TMEM132B: variants seen among roughly 807,000 people sequenced by gnomAD.
The protein encoded by TMEM132B is transmembrane protein 132B.
In TMEM132B, 18 loss-of-function variants were observed where a neutral mutation model predicts 90.8. That is an observed-to-expected ratio of 0.20 (90% CI 0.14 to 0.29). The LOEUF is 0.29. Among genes scored for constraint, TMEM132B ranks in the 10% least tolerant of loss-of-function variants. The pLI is 1.00. For synonymous variants in TMEM132B, 504 were observed against 523.3 expected, an observed-to-expected ratio of 0.96 and a Z score of 0.50; for missense variants, 1,096 against 1,326.8, an observed-to-expected ratio of 0.83 and a Z score of 2.70.
intron 3 of TMEM132B, among the ~76,000 whole-genome samples, chr12:125,479,749 C>G (rs1368630422): frequency 3.9e-5 from 6 of 152,188 alleles, no homozygotes; most frequent in African/African-American, 1.4e-4. Flanking sequence ...AGCTCTGCAC[C>G]AAGCAGACCT....
intron 1 of TMEM132B, among the ~76,000 whole-genome samples, chr12:125,305,832 C>T (rs745530539): frequency 3.3e-5 from 5 of 152,174 alleles, no homozygotes; most frequent in Non-Finnish European, 7.3e-5. Flanking sequence ...CGTTGAGTTT[C>T]CATCTTTCTC....
chr12:125,363,168 A>G (rs891234895), intron 2 of TMEM132B, among the ~76,000 whole-genome samples: 2 of 152,172 alleles, frequency 1.3e-5, no homozygotes, highest in Admixed American at 6.5e-5. Flanking sequence ...TACCATCTAT[A>G]AAGTACCAGT....
At chr12:125,417,046 T>C (rs957346984) in intron 3 of TMEM132B, among the ~76,000 whole-genome samples, 3 of 152,202 alleles carry the variant, frequency 2.0e-5, no homozygotes, top group Non-Finnish European at 4.4e-5. Flanking sequence ...GTGCCATGGA[T>C]GGTGAATCCA....
chr12:125,563,124 G>T (rs1255519604), intron 4 of TMEM132B, among the ~76,000 whole-genome samples: 4 of 147,354 alleles, frequency 2.7e-5, no homozygotes, highest in Non-Finnish European at 5.9e-5. Context: ...TCAAAGATCA[G>T]TGATCACAGG....
At chr12:125,235,653 C>G (rs780027571) in intron 1 of TMEM132B, among the ~76,000 whole-genome samples, 39 of 152,222 alleles carry the variant, frequency 2.6e-4, no homozygotes, top group Non-Finnish European at 4.3e-4. Context: ...AATCACTGAT[C>G]CGCTCTCTGT....
intron 2 of TMEM132B, among the ~76,000 whole-genome samples, chr12:125,392,048 T>A (rs1260723101): frequency 1.3e-5 from 2 of 152,226 alleles, no homozygotes; most frequent in Non-Finnish European, 2.9e-5. Context: ...ATTACAGGCA[T>A]CAGCCACTGT....
At chr12:125,386,551 G>T (rs1328866583) in intron 2 of TMEM132B, among the ~76,000 whole-genome samples, 2 of 152,138 alleles carry the variant, frequency 1.3e-5, no homozygotes, top group African/African-American at 2.4e-5. Flanking sequence ...TTTTTCACTG[G>T]GTTTGTTGCA....
At chr12:125,630,007 T>C (rs1459386710) in intron 5 of TMEM132B, among the ~76,000 whole-genome samples, 1 of 152,186 alleles carries the variant, frequency 6.6e-6, no homozygotes, top group Non-Finnish European at 1.5e-5. Context: ...TCATGATGAA[T>C]CATCTTTCTA....
chr12:125,501,463 T>C (rs1298334266), intron 3 of TMEM132B, among the ~76,000 whole-genome samples: 1 of 152,192 alleles, frequency 6.6e-6, no homozygotes, highest in Non-Finnish European at 1.5e-5. Context: ...TTGCTGCATG[T>C]ATCAACCCAT....
intron 4 of TMEM132B, among the ~76,000 whole-genome samples, chr12:125,538,981 G>A (rs1417795682): frequency 1.3e-5 from 2 of 152,050 alleles, no homozygotes; most frequent in African/African-American, 4.8e-5. Context: ...GCCAGCACCC[G>A]AGCCCAGCCA....
intron 4 of TMEM132B, among the ~76,000 whole-genome samples, chr12:125,550,635 T>G (rs918562430): frequency 1.3e-5 from 2 of 152,222 alleles, no homozygotes; most frequent in Admixed American, 1.3e-4. Flanking sequence ...TTTTGGTGAA[T>G]GAAAGAATAT....
At chr12:125,207,619 G>A (rs1873212820) in intron 1 of TMEM132B, among the ~76,000 whole-genome samples, 1 of 152,264 alleles carries the variant, frequency 6.6e-6, no homozygotes, top group Admixed American at 6.5e-5. Flanking sequence ...ATTTTTAAGT[G>A]TACAGTTCTG....
chr12:125,200,273 T>TA (rs1238783447), intron 1 of TMEM132B, among the ~76,000 whole-genome samples: 3 of 152,214 alleles, frequency 2.0e-5, no homozygotes, highest in Non-Finnish European at 4.4e-5. Context: ...TTAGAAGTAT[T>TA]ATAGATAAGC....
intron 3 of TMEM132B, among the ~76,000 whole-genome samples, chr12:125,428,304 C>CT (rs11456891): frequency 0.88 from 134,206 of 152,036 alleles, 60,215 homozygotes; most frequent in East Asian, 1. Context: ...GTAAATGACT[C>CT]TTTATTTGGC....
At chr12:125,602,890 G>T (rs1325594388) in intron 5 of TMEM132B, among the ~76,000 whole-genome samples, 1 of 151,980 alleles carries the variant, frequency 6.6e-6, no homozygotes, top group Non-Finnish European at 1.5e-5. Context: ...AAATACATAG[G>T]AATACAGCTG....
rs867009286 is a variant in TMEM132B at position 125,650,789 on chromosome 12, G to A, written c.1750G>A (p.Glu584Lys). 32 of 1,614,092 alleles carry A rather than the reference G, an allele frequency of 2.0e-5. No homozygotes were observed. Among genetic ancestry groups the A allele is most frequent in the South Asian group, 4.4e-5 (4 of 91,088 alleles). ...TVRVLTQFVA[E>K]SPDLGQLTYM... Reference sequence around the variant, plus strand: ...GCGTGTCCTCACCCAGTTTGTGGCCGAGTCACCTGACTTAGGGCAGCTGAC... The same window carrying A: ...GCGTGTCCTCACCCAGTTTGTGGCCAAGTCACCTGACTTAGGGCAGCTGAC... Residue 584 changes from glutamate to lysine, a missense_variant, in exon 7 of 9, where the codon GAG (glutamate) becomes AAG (lysine). Physicochemically the swap from Glu to Lys is moderately conservative, Grantham distance 56. Coordinates refer to ENST00000682704, the MANE Select transcript of TMEM132B (RefSeq NM_001366854.1).
At chr12:125,556,343 T>G (rs531833107) in intron 4 of TMEM132B, among the ~76,000 whole-genome samples, 2 of 152,320 alleles carry the variant, frequency 1.3e-5, no homozygotes, top group South Asian at 4.1e-4. Context: ...AAGACTATGA[T>G]TAGAACCCAC....
At chr12:125,299,009 A>G (rs1171932285) in intron 1 of TMEM132B, among the ~76,000 whole-genome samples, 4 of 152,050 alleles carry the variant, frequency 2.6e-5, no homozygotes, top group Non-Finnish European at 5.9e-5. Flanking sequence ...CTGGGATTAC[A>G]GGCGTGAGCC....
At chr12:125,417,844 C>G (rs914407286) in intron 3 of TMEM132B, among the ~76,000 whole-genome samples, 2 of 152,210 alleles carry the variant, frequency 1.3e-5, no homozygotes, top group African/African-American at 4.8e-5. Context: ...ACCACTGGCT[C>G]TGTTTGGCAT....
Sources: allele counts gnomAD v4.1 joint callset (sites outside exome capture counted in the v4.1 genomes callset), GRCh38; gene constraint gnomAD v4.1.1; transcripts MANE v1.5; gene names NCBI Gene and HGNC (gene_info 2026-07-23, HGNC 2026-07-21).